NTRK3: variants seen among roughly 807,000 people sequenced by gnomAD.
The protein encoded by NTRK3 is neurotrophic receptor tyrosine kinase 3.
In NTRK3, 24 loss-of-function variants were observed where a neutral mutation model predicts 91.7. The observed-to-expected ratio is 0.26, with a 90% CI of 0.19 to 0.37. NTRK3 has a LOEUF of 0.37. NTRK3 is among the 10% of genes least tolerant of loss of function. NTRK3 has a pLI of 1.00. For synonymous variants in NTRK3, 483 were observed against 404.0 expected, an observed-to-expected ratio of 1.20 and a Z score of -2.34; for missense variants, 880 against 1,068.9, an observed-to-expected ratio of 0.82 and a Z score of 2.46.
At chr15:88,179,891 G>A (rs533870665) in intron 5 of NTRK3, among the ~76,000 whole-genome samples, 36 of 152,332 alleles carry the variant, frequency 2.4e-4, no homozygotes, top group African/African-American at 8.2e-4. Context: ...AGTGTACAAT[G>A]AAGAAAGACG....
intron 3 of NTRK3, among the ~76,000 whole-genome samples, chr15:88,222,778 C>T (rs1417807588): frequency 6.6e-6 from 1 of 152,182 alleles, no homozygotes; most frequent in African/African-American, 2.4e-5. Flanking sequence ...TGTGGGGTGC[C>T]AGGCACTTGG....
intron 13 of NTRK3, among the ~76,000 whole-genome samples, chr15:88,106,217 G>A (rs554684081): frequency 5.9e-5 from 9 of 152,332 alleles, no homozygotes; most frequent in Admixed American, 2.0e-4. Context: ...TACAGCGGCC[G>A]GCAGGACAAG....
chr15:88,135,984 C>G, exon 9 of NTRK3: 1 of 1,614,232 alleles, frequency 6.2e-7, no homozygotes, highest in Non-Finnish European at 8.5e-7. Flanking sequence ...TGTCCTCACT[C>G]GTCACATTCA....
chr15:88,229,406 G>A (rs2141699037), intron 3 of NTRK3, among the ~76,000 whole-genome samples: 1 of 152,230 alleles, frequency 6.6e-6, no homozygotes, highest in East Asian at 1.9e-4. Flanking sequence ...ACATCCCAAA[G>A]CTTGTTGAGT....
chr15:87,899,140 G>A (rs1363079700), intron 17 of NTRK3, among the ~76,000 whole-genome samples: 2 of 152,186 alleles, frequency 1.3e-5, no homozygotes, highest in Admixed American at 1.3e-4. Flanking sequence ...ATATTTGCAA[G>A]AGGTATTCTC....
At position 88,064,712 on chromosome 15, in the gene NTRK3, GA is replaced by G. The variant is rs199932959; in HGVS notation, c.1397-31668del. 2.9e-3 allele frequency among the ~76,000 whole-genome samples: 437 copies of G among 152,306 alleles called. 6 individuals are homozygous for G. The highest frequency in any genetic ancestry group is 9.5e-3 in the African/African-American group (396 of 41,564). On this transcript the variant is annotated intron_variant, in intron 13 of 18. Transcript: ENST00000394480. ...CATGACAGAACCAAGGAGCTTTCAA[GA>G]AGAGCCTAAACTTAGCTCAAAAGAG...
At chr15:88,145,914 A>G (rs1036572100) in intron 6 of NTRK3, among the ~76,000 whole-genome samples, 4 of 152,172 alleles carry the variant, frequency 2.6e-5, no homozygotes, top group Admixed American at 2.0e-4. Flanking sequence ...ACACTGGGAG[A>G]TAGTTGAGCA....
intron 13 of NTRK3, among the ~76,000 whole-genome samples, chr15:88,064,630 C>T (rs1306070750): frequency 6.6e-6 from 1 of 152,206 alleles, no homozygotes; most frequent in African/African-American, 2.4e-5. Context: ...ATGCCCATAG[C>T]TACCACATTG....
At chr15:87,940,501 C>T in intron 15 of NTRK3, 122 bp downstream of exon 15, 1 of 1,504,984 alleles carries the variant, frequency 6.6e-7, no homozygotes, top group Non-Finnish European at 9.2e-7. Flanking sequence ...GAGCAAAGTC[C>T]TTTGATTGCA....
At chr15:87,889,746 C>A (rs2065754084) in intron 17 of NTRK3, among the ~76,000 whole-genome samples, 1 of 152,000 alleles carries the variant, frequency 6.6e-6, no homozygotes, top group Non-Finnish European at 1.5e-5. Context: ...GTAGGAGAAC[C>A]AGAGACATAT....
At chr15:87,869,450 G>A (rs2064769033) in exon 19 of NTRK3, 1 of 223,014 alleles carries the variant, frequency 4.5e-6, no homozygotes, top group African/African-American at 2.2e-5. Context: ...TTCTTCAGAA[G>A]TCTTAATATA....
intron 5 of NTRK3, among the ~76,000 whole-genome samples, chr15:88,171,262 A>T (rs936565075): frequency 3.9e-5 from 6 of 151,904 alleles, no homozygotes; most frequent in African/African-American, 1.5e-4. Context: ...TTCTATCTCA[A>T]TTTCCTCGTT....
At chr15:87,964,572 A>ACC (rs2072618074) in intron 14 of NTRK3, among the ~76,000 whole-genome samples, 1 of 152,178 alleles carries the variant, frequency 6.6e-6, no homozygotes, top group Admixed American at 6.5e-5. Context: ...ACTGAATGGT[A>ACC]TAATCACCAG....
At chr15:87,885,152 T>TTA (rs2141509493) in intron 17 of NTRK3, among the ~76,000 whole-genome samples, 1 of 152,022 alleles carries the variant, frequency 6.6e-6, no homozygotes, top group South Asian at 2.1e-4. Flanking sequence ...GAAAATAAGA[T>TTA]TATTTGTACA....
intron 14 of NTRK3, among the ~76,000 whole-genome samples, chr15:87,971,822 C>T (rs2073278438): frequency 6.6e-6 from 1 of 152,132 alleles, no homozygotes; most frequent in Non-Finnish European, 1.5e-5. Flanking sequence ...GTGCTCCCCA[C>T]AGCTCCACAC....
At chr15:88,177,781 C>G (rs921622902) in intron 5 of NTRK3, among the ~76,000 whole-genome samples, 1 of 152,188 alleles carries the variant, frequency 6.6e-6, no homozygotes, top group Non-Finnish European at 1.5e-5. Context: ...ATCTATGATT[C>G]TAAACAATTG....
intron 17 of NTRK3, chr15:87,916,620 A>G: frequency 2.9e-6 from 2 of 700,948 alleles, no homozygotes; most frequent in Non-Finnish European, 5.2e-6. Context: ...GACTAAGTTT[A>G]GGAGATAACT....
At chr15:87,921,341 G>A (rs1436233142) in intron 17 of NTRK3, among the ~76,000 whole-genome samples, 1 of 152,194 alleles carries the variant, frequency 6.6e-6, no homozygotes, top group Non-Finnish European at 1.5e-5. Context: ...CTTCATTGGT[G>A]CCTGGGTCTA....
intron 13 of NTRK3, among the ~76,000 whole-genome samples, chr15:88,079,377 C>G (rs184256812): frequency 6.6e-6 from 1 of 152,174 alleles, no homozygotes; most frequent in Admixed American, 6.5e-5. Flanking sequence ...GCCAAGAAAG[C>G]GGACGGATAT....
Sources: gnomAD v4.1 joint callset for allele counts (sites outside exome capture counted in the v4.1 genomes callset) on GRCh38, gnomAD v4.1.1 for gene constraint, MANE v1.5 for transcripts, NCBI Gene and HGNC (gene_info 2026-07-23, HGNC 2026-07-21) for gene names.